The following STPG2 variants were observed in gnomAD, a reference collection of about 807,000 sequenced individuals.
The protein encoded by STPG2 is sperm-tail PG-rich repeat-containing protein 2.
STPG2 carries 56 observed loss-of-function variants against 54.2 expected under a neutral mutation model. That is an observed-to-expected ratio of 1.03 (90% CI 0.83 to 1.29). The LOEUF is 1.29. STPG2 is among the 50% of genes most tolerant of loss of function. The pLI is 0.00. For synonymous variants in STPG2, 200 were observed against 181.8 expected, an observed-to-expected ratio of 1.10 and a Z score of -0.81; for missense variants, 596 against 544.9, an observed-to-expected ratio of 1.09 and a Z score of -0.93.
chr4:97,812,332 A>G (rs921024656), intron 9 of STPG2, among the ~76,000 whole-genome samples: 1 of 152,126 alleles, frequency 6.6e-6, no homozygotes, highest in African/African-American at 2.4e-5. Context: ...TGAATATTTT[A>G]TACTAGTGTT....
intron 5 of STPG2, among the ~76,000 whole-genome samples, chr4:98,034,754 A>C (rs771510351): frequency 3.3e-5 from 5 of 152,234 alleles, no homozygotes; most frequent in Non-Finnish European, 7.3e-5. Flanking sequence ...ACAGATATAT[A>C]GACCAATGGA....
In STPG2 at chr4:97,497,965, G is replaced by A. The variant is rs1730645977; in HGVS notation, c.462+214734C>T. ...TAACAAATTTTAATGATGACAGCCT[G>A]AGAACCAGTTCCCCTGACTGTGTGC... On this transcript the variant is annotated intron_variant, in intron 4 of 4. Transcript: ENST00000522676. Among the ~76,000 whole-genome samples the A allele has an allele frequency of 2.0e-5, 3 of 151,830 alleles. No individual in the cohort carries two copies. The Admixed American group carries it at 2.0e-4, about 10-fold the overall frequency.
chr4:97,441,367 G>A (rs1480361980), intron 4 of STPG2: 1 of 151,724 alleles, frequency 6.6e-6, no homozygotes, highest in Non-Finnish European at 1.5e-5. Flanking sequence ...AACATTTTCT[G>A]AAAAAAACAA....
chr4:97,600,734 G>T (rs1733436666), intron 10 of STPG2, among the ~76,000 whole-genome samples: 2 of 151,978 alleles, frequency 1.3e-5, no homozygotes, highest in Non-Finnish European at 2.9e-5. Context: ...GCATAGTGGG[G>T]GAAAGTTCAA....
intron 8 of STPG2, among the ~76,000 whole-genome samples, chr4:97,890,053 TTGG>T (rs1354398219): frequency 2.0e-5 from 3 of 152,220 alleles, no homozygotes; most frequent in East Asian, 3.9e-4. Context: ...TTTTTCCAGA[TTGG>T]TGGCATAATT....
intron 10 of STPG2, among the ~76,000 whole-genome samples, chr4:97,651,018 A>G (rs1183505563): frequency 2.0e-5 from 3 of 152,134 alleles, no homozygotes; most frequent in African/African-American, 7.2e-5. Flanking sequence ...GATTAAAAAA[A>G]AAAATCAGAG....
chr4:97,598,747 C>T (rs575828527), intron 10 of STPG2, among the ~76,000 whole-genome samples: 72 of 152,204 alleles, frequency 4.7e-4, no homozygotes, highest in African/African-American at 1.7e-3. Context: ...GGAGCCCTTC[C>T]TTACACCATA....
chr4:97,854,018 G>A (rs565909925), intron 8 of STPG2, among the ~76,000 whole-genome samples: 22 of 151,968 alleles, frequency 1.4e-4, no homozygotes, highest in South Asian at 8.3e-4. Context: ...TAAAGATAAC[G>A]TCTCATCATC....
At chr4:97,724,028 A>G (rs993824117) in intron 9 of STPG2, among the ~76,000 whole-genome samples, 2 of 152,186 alleles carry the variant, frequency 1.3e-5, no homozygotes, top group Non-Finnish European at 2.9e-5. Flanking sequence ...TTGTTTACCT[A>G]TTGAGTTGCA....
intron 8 of STPG2, among the ~76,000 whole-genome samples, chr4:97,923,218 G>A (rs60208378): frequency 0.011 from 1,659 of 152,340 alleles, 27 homozygotes; most frequent in African/African-American, 0.036. Context: ...GGCCCAGGCC[G>A]GAGCCAGCTC....
rs753844332 is a variant in STPG2 at position 98,128,608 on chromosome 4, T to C, written c.223-16A>G. 2.3e-5 allele frequency: 35 copies of C among 1,539,218 alleles called. No individual in the cohort carries two copies. Among genetic ancestry groups the C allele is most frequent in the Non-Finnish European group, 2.8e-5 (32 of 1,143,730 alleles). On this transcript the variant is annotated splice_polypyrimidine_tract_variant and intron_variant, in intron 2 of 10. Transcript: ENST00000295268. ...TTGAAATTTTCTGCAAGGAAAACAT[T>C]TTATATTATTTATTCCAAGGCAAGA... is the stretch of plus-strand genomic sequence containing the variant.
chr4:98,009,109 A>C (rs1735661153), intron 5 of STPG2, among the ~76,000 whole-genome samples: 1 of 151,060 alleles, frequency 6.6e-6, no homozygotes, highest in Non-Finnish European at 1.5e-5. Context: ...CCTTTCTATT[A>C]ATTTTCTAGT....
At chr4:97,511,176 G>A (rs1730964018) in intron 4 of STPG2, among the ~76,000 whole-genome samples, 2 of 151,728 alleles carry the variant, frequency 1.3e-5, no homozygotes, top group African/African-American at 4.8e-5. Context: ...TATCAGAATA[G>A]GTTTAAAAAG....
intron 5 of STPG2, among the ~76,000 whole-genome samples, chr4:98,080,650 T>C (rs1246617025): frequency 6.6e-6 from 1 of 152,082 alleles, no homozygotes; most frequent in Non-Finnish European, 1.5e-5. Context: ...TTGGAAACAT[T>C]GAAAAAATAA....
chr4:97,732,780 A>G (rs866513149), intron 9 of STPG2, among the ~76,000 whole-genome samples: 2 of 152,174 alleles, frequency 1.3e-5, no homozygotes, highest in Admixed American at 1.3e-4. Flanking sequence ...AGTGAAGGAC[A>G]TGAATAGACA....
At chr4:97,461,376 A>G (rs539861434) in intron 4 of STPG2, among the ~76,000 whole-genome samples, 1 of 152,308 alleles carries the variant, frequency 6.6e-6, no homozygotes, top group East Asian at 1.9e-4. Flanking sequence ...TACCTCTTGC[A>G]ATGTGATGTT....
intron 5 of STPG2, among the ~76,000 whole-genome samples, chr4:98,068,448 T>C (rs1411262349): frequency 6.6e-6 from 1 of 152,190 alleles, no homozygotes; most frequent in Non-Finnish European, 1.5e-5. Context: ...TAGGATTTGT[T>C]AGAAGCTTAT....
At chr4:97,896,894 T>C (rs1472004369) in intron 8 of STPG2, among the ~76,000 whole-genome samples, 1 of 151,582 alleles carries the variant, frequency 6.6e-6, no homozygotes, top group African/African-American at 2.4e-5. Context: ...ATCTTTTTCC[T>C]TCTGCTTTTC....
At chr4:98,099,266 A>G (rs1371508638) in intron 5 of STPG2, among the ~76,000 whole-genome samples, 1 of 143,590 alleles carries the variant, frequency 7.0e-6, no homozygotes, top group Non-Finnish European at 1.5e-5. Context: ...TATTCACAAC[A>G]GAGAATTATT....
Sources: allele counts gnomAD v4.1 joint callset (sites outside exome capture counted in the v4.1 genomes callset), GRCh38; gene constraint gnomAD v4.1.1; transcripts MANE v1.5; gene names NCBI Gene and HGNC (gene_info 2026-07-23, HGNC 2026-07-21).